Variants in NLRP2 observed in about 807,000 individuals in gnomAD.
NLRP2 encodes the protein NACHT, LRR and PYD domains-containing protein 2.
A neutral mutation model predicts 97.2 loss-of-function variants in NLRP2; 107 were observed. That is an observed-to-expected ratio of 1.10 (90% CI 0.94 to 1.29). NLRP2 has a LOEUF of 1.29. Among genes scored for constraint, NLRP2 ranks in the 50% most tolerant of loss-of-function variants. The pLI is 0.00. For synonymous variants in NLRP2, 663 were observed against 551.5 expected, an observed-to-expected ratio of 1.20 and a Z score of -2.83; for missense variants, 1,495 against 1,330.3, an observed-to-expected ratio of 1.12 and a Z score of -1.93.
At position 54,975,547 on chromosome 19, in the gene NLRP2, G is replaced by A. The variant is rs1187956188; in HGVS notation, c.325+1003G>A. Among the ~76,000 whole-genome samples the A allele has an allele frequency of 8.9e-5, 13 of 145,578 alleles. 2 individuals carry two copies. In the East Asian group the frequency reaches 2.7e-3, roughly 30 times the overall value. On this transcript the variant is annotated intron_variant, in intron 3 of 12. Transcript: ENST00000448584. ...GCTCACTGCAAGCTCCGCCTCCCGG[G>A]TTCATGCCATTCTCCTGCCTCAGCC... is the stretch of plus-strand genomic sequence containing the variant.
chr19:54,976,056 C>A lies in NLRP2; in HGVS notation c.325+1512C>A, dbSNP rs545722178. ...GATTCACCACACCTGGCCATGAAGA[C>A]TTTTTTTTTTTGGACAAAGTCTCAC... On this transcript the variant is annotated intron_variant, in intron 3 of 12. Transcript: ENST00000448584. Among the ~76,000 whole-genome samples, 136 of 148,546 alleles carry A rather than the reference C, an allele frequency of 9.2e-4. 2 individuals carry two copies. Among genetic ancestry groups the A allele is most frequent in the African/African-American group, 3.3e-3 (134 of 40,504 alleles).
chr19:54,982,171 A>G lies in NLRP2; in HGVS notation c.473A>G (p.Asn158Ser), dbSNP rs774470986. The G allele has an allele frequency of 6.2e-6, 10 of 1,614,090 alleles. No homozygotes were observed. Among genetic ancestry groups the G allele is most frequent in the South Asian group, 2.2e-5 (2 of 91,076 alleles). The change falls in exon 6 of 13, where the codon AAT becomes AGT. Residue 158 changes from asparagine to serine, a missense_variant. Physicochemically the swap from Asn to Ser is conservative, Grantham distance 46 (BLOSUM62 1). Transcript: ENST00000448584. ...VFKGKKPDKD[N>S]RCRYILKTKF... ...CTCACCAATGATAAAGACAAAGACA[A>G]TAGGTGCAGGTATATATTGAAGACG...
chr19:54,990,239 C>T (rs781094757), intron 9 of NLRP2, 47 bp downstream of exon 9: 6 of 1,584,554 alleles, frequency 3.8e-6, no homozygotes, highest in South Asian at 1.1e-5. Flanking sequence ...CGATCTGGGG[C>T]CACAGACGAG....
At chr19:54,988,051 GA>G (rs902398115) in intron 8 of NLRP2, among the ~76,000 whole-genome samples, 10 of 151,894 alleles carry the variant, frequency 6.6e-5, no homozygotes, top group Admixed American at 2.6e-4. Context: ...CTCGAGGACA[GA>G]AAAAAAATTG....
chr19:54,989,892 G>A, intron 8 of NLRP2, 130 bp from the exon 9 acceptor site: 1 of 924,658 alleles, frequency 1.1e-6, no homozygotes, highest in Non-Finnish European at 1.7e-6. Context: ...TCGGGAGGCT[G>A]AGGCAGGAGA....
intron 6 of NLRP2, among the ~76,000 whole-genome samples, 197 bp downstream of exon 6, chr19:54,983,925 C>T (rs11672240): frequency 3.3e-5 from 5 of 151,792 alleles, no homozygotes; most frequent in Admixed American, 1.3e-4. Context: ...ATCTTGGCTC[C>T]CTGCAACCTC....
intron 6 of NLRP2, among the ~76,000 whole-genome samples, chr19:54,984,329 G>GTGTGGTTTTTTTTTTTTTTTTT: frequency 1.3e-5 from 1 of 79,670 alleles, no homozygotes; most frequent in Non-Finnish European, 2.5e-5. Flanking sequence ...TTTTTTTTGT[G>GTGTGGTTTTTTTTTTTTTTTTT]TTTTTTTTTT....
At chr19:54,986,032 A>C (rs758512035) in intron 7 of NLRP2, 119 bp from the exon 8 acceptor site, 2 of 780,586 alleles carry the variant, frequency 2.6e-6, no homozygotes, top group Non-Finnish European at 4.4e-6. Context: ...AAGATGGACA[A>C]AAATTTAAAC....
At chr19:54,979,156 T>A (rs2146403427) in intron 4 of NLRP2, among the ~76,000 whole-genome samples, 1 of 151,924 alleles carries the variant, frequency 6.6e-6, no homozygotes, top group Non-Finnish European at 1.5e-5. Flanking sequence ...GGCTAACTTT[T>A]GTGTTTTTAG....
In NLRP2 at chr19:54,983,648, G is replaced by T. The variant is rs993671850; in HGVS notation, c.1950G>T (p.Leu650=). The T allele has an allele frequency of 1.2e-6, 2 of 1,614,030 alleles. No homozygotes were observed. Among genetic ancestry groups the T allele is most frequent in the African/African-American group, 1.3e-5 (1 of 74,930 alleles). ...TCTGCGTCAAGCACTGTCGAAACCT[G>T]CAGAAAATGTCACTGCAGGTAATAA... ...SSFCVKHCRN[L]QKMSLQVIKE... Residue 650 remains leucine (L), a synonymous_variant, in exon 6 of 13, where the codon CTG becomes CTT. Transcript: ENST00000448584.
rs781576214 is a variant in NLRP2 at position 54,986,134 on chromosome 19, C to A, written c.2202-17C>A. 1 of 1,592,866 alleles carries A rather than the reference C, an allele frequency of 6.3e-7. No homozygotes were observed. The highest frequency in any genetic ancestry group is 8.6e-7 in the Non-Finnish European group (1 of 1,160,868). On this transcript the variant is annotated splice_polypyrimidine_tract_variant and intron_variant, in intron 7 of 12. Transcript: ENST00000448584. The stretch of plus-strand genomic sequence containing the variant: ...GTGTACACACTAAAGATTTCACTTT[C>A]GTTCTCTTTTCCCTAGGTTCAAAAA...
intron 1 of NLRP2, among the ~76,000 whole-genome samples, chr19:54,966,976 G>T (rs534563743): frequency 4.6e-5 from 7 of 151,634 alleles, no homozygotes; most frequent in South Asian, 2.1e-4. Flanking sequence ...GAAGTAGCTG[G>T]GACCGTGGGA....
intron 4 of NLRP2, among the ~76,000 whole-genome samples, chr19:54,978,119 C>T (rs865952509): frequency 6.6e-6 from 1 of 152,178 alleles, no homozygotes; most frequent in South Asian, 2.1e-4. Context: ...AATGCAATGG[C>T]GCGATCTCGG....
At chr19:54,998,986 AT>A (rs1462885343) in intron 12 of NLRP2, among the ~76,000 whole-genome samples, 1 of 149,502 alleles carries the variant, frequency 6.7e-6, no homozygotes, top group Non-Finnish European at 1.5e-5. Flanking sequence ...AGGCAGAAGA[AT>A]TTTTCTTAGT....
At chr19:54,968,844 G>A (rs2070657522) in intron 1 of NLRP2, among the ~76,000 whole-genome samples, 1 of 151,978 alleles carries the variant, frequency 6.6e-6, no homozygotes, top group South Asian at 2.1e-4. Flanking sequence ...TGGAACTACA[G>A]GCACCTGCCA....
Position 54,977,737 on chromosome 19 carries a change from G to C in NLRP2, c.326-15G>C. 1 of 1,613,432 alleles carries C rather than the reference G, an allele frequency of 6.2e-7. No homozygotes were observed. The highest frequency in any genetic ancestry group is 1.3e-5 in the African/African-American group (1 of 75,004). Reference sequence around the variant, plus strand: ...AGCACAGCAACAGGCCTGTAATGCCGCCCTTTTTCTCCAGGGATAACACGG... The same window carrying C: ...AGCACAGCAACAGGCCTGTAATGCCCCCCTTTTTCTCCAGGGATAACACGG... On this transcript the variant is annotated splice_polypyrimidine_tract_variant and intron_variant, in intron 3 of 12. Coordinates refer to ENST00000448584, the MANE Select transcript of NLRP2 (RefSeq NM_017852.5).
intron 8 of NLRP2, among the ~76,000 whole-genome samples, chr19:54,987,572 T>A (rs1013460510): frequency 6.6e-6 from 1 of 151,818 alleles, no homozygotes; most frequent in Non-Finnish European, 1.5e-5. Context: ...TGAAACTCTG[T>A]CTCTACTAAT....
intron 1 of NLRP2, among the ~76,000 whole-genome samples, chr19:54,969,271 C>T (rs1300791594): frequency 2.6e-5 from 4 of 151,222 alleles, no homozygotes; most frequent in Non-Finnish European, 4.4e-5. Context: ...GTCAGGAGTT[C>T]GAGACCAGCC....
At chr19:54,990,377 C>A in intron 9 of NLRP2, 125 bp from the exon 10 acceptor site, 2 of 1,119,338 alleles carry the variant, frequency 1.8e-6, no homozygotes, top group Non-Finnish European at 2.7e-6. Flanking sequence ...CATAGGATCA[C>A]CAGTGCATGA....
Sources: allele counts gnomAD v4.1 joint callset (sites outside exome capture counted in the v4.1 genomes callset), GRCh38; gene constraint gnomAD v4.1.1; transcripts MANE v1.5; gene names NCBI Gene and HGNC (gene_info 2026-07-23, HGNC 2026-07-21).